ANG: variants seen among roughly 807,000 people sequenced by gnomAD.
ANG encodes the protein Homo sapiens epididymis luminal protein 168.
For missense variants in ANG, 178 were observed against 187.4 expected (o/e 0.95, Z 0.29); for synonymous variants, 74 against 73.8 (o/e 1.00, Z -0.02).
At chr14:20,687,270 A>G (rs572113743), upstream of ANG, among the ~76,000 whole-genome samples, 2 of 152,378 alleles carry the variant, frequency 1.3e-5, no homozygotes, top group Non-Finnish European at 2.9e-5. Context: ...GTTTAAAAGA[A>G]AAACATAAAA....
intron 1 of ANG, among the ~76,000 whole-genome samples, chr14:20,691,379 A>G (rs1333127872): frequency 2.0e-5 from 3 of 152,254 alleles, no homozygotes; most frequent in Non-Finnish European, 2.9e-5. Context: ...ATTACAAATC[A>G]ATAAAACTTT....
intron 1 of ANG, among the ~76,000 whole-genome samples, chr14:20,693,187 G>C (rs991955504): frequency 2.0e-5 from 3 of 152,216 alleles, no homozygotes; most frequent in African/African-American, 7.2e-5. Context: ...ACCTAGCACA[G>C]TCCCTGGTAC....
chr14:20,685,740 T>C (rs558802008), upstream of ANG, among the ~76,000 whole-genome samples: 1 of 152,198 alleles, frequency 6.6e-6, no homozygotes, highest in African/African-American at 2.4e-5. Context: ...AGTACTAGTA[T>C]GGAATATAAA....
chr14:20,693,380 G>A (rs2139022916), intron 1 of ANG, 167 bp from the exon 2 acceptor site: 2 of 831,746 alleles, frequency 2.4e-6, no homozygotes, highest in Non-Finnish European at 3.8e-6. Flanking sequence ...CGCAGGAAGG[G>A]ATTGACGAAG....
At chr14:20,693,272 A>G (rs929410365) in intron 1 of ANG, among the ~76,000 whole-genome samples, 27 of 152,366 alleles carry the variant, frequency 1.8e-4, no homozygotes, top group Non-Finnish European at 4.0e-4. Flanking sequence ...GGATTTTGTA[A>G]TGTTACGACT....
intron 1 of ANG, among the ~76,000 whole-genome samples, chr14:20,692,938 C>G (rs933360826): frequency 6.6e-6 from 1 of 152,144 alleles, no homozygotes; most frequent in African/African-American, 2.4e-5. Context: ...AGCTCCGCCT[C>G]CCGGGTTCAC....
intron 1 of ANG, among the ~76,000 whole-genome samples, chr14:20,693,126 C>T (rs1242797250): frequency 6.6e-6 from 1 of 152,222 alleles, no homozygotes; most frequent in Non-Finnish European, 1.5e-5. Context: ...GGATTACAGG[C>T]GTGAGCCACC....
At chr14:20,692,164 A>T (rs1440451643) in intron 1 of ANG, among the ~76,000 whole-genome samples, 1 of 152,258 alleles carries the variant, frequency 6.6e-6, no homozygotes, top group East Asian at 1.9e-4. Context: ...TAAGAATTGT[A>T]TTACACTTAA....
chr14:20,693,948 T>C lies in ANG; in HGVS notation c.384T>C (p.Val128=), dbSNP rs1416313322. ...YRATAGFRNV[V]VACENGLPVH... The stretch of plus-strand genomic sequence containing the variant: ...CCACAGCGGGGTTCAGAAACGTTGT[T>C]GTTGCTTGTGAAAATGGCTTACCTG... Residue 128 remains valine (V), a synonymous_variant, in exon 2 of 2, where the codon GTT becomes GTC. Transcript: ENST00000397990. 1 of 1,613,994 alleles carries C rather than the reference T, an allele frequency of 6.2e-7. No homozygotes were observed. The highest frequency in any genetic ancestry group is 8.5e-7 in the Non-Finnish European group (1 of 1,180,020).
At position 20,694,012 on chromosome 14, in the gene ANG, G is replaced by A. The variant is rs753565970; in HGVS notation, c.*4G>A. On this transcript the variant is annotated 3_prime_UTR_variant, in exon 2 of 2. Transcript: ENST00000397990. ...GTCAATTTTCCGTCGTCCGTAACCA[G>A]CGGGCCCCTGGTCAAGTGCTGGCTC... The A allele has an allele frequency of 1.6e-5, 26 of 1,614,004 alleles. No homozygotes were observed. The highest frequency in any genetic ancestry group is 2.1e-5 in the Non-Finnish European group (25 of 1,180,042).
Position 20,690,560 on chromosome 14 carries a change from T to C in ANG, c.-19+1686T>C, listed in dbSNP as rs1304543236. Among the ~76,000 whole-genome samples, 3 of 152,184 alleles carry C rather than the reference T, an allele frequency of 2.0e-5. No individual in the cohort carries two copies. The East Asian group carries it at 5.8e-4, about 29-fold the overall frequency. On this transcript the variant is annotated intron_variant, in intron 1 of 1. Coordinates refer to ENST00000397990, the MANE Select transcript of ANG (RefSeq NM_001097577.3). ...TTGGTGTACGCTTGCTGAGATTTGGTTCCTGGATGTCTTAGGGAATCAAGA... is the reference window on the plus strand; with the variant it reads ...TTGGTGTACGCTTGCTGAGATTTGGCTCCTGGATGTCTTAGGGAATCAAGA...
At chr14:20,689,416 GA>G (rs1370845864) in intron 1 of ANG, among the ~76,000 whole-genome samples, 1 of 152,158 alleles carries the variant, frequency 6.6e-6, no homozygotes, top group Non-Finnish European at 1.5e-5. Flanking sequence ...TACTTTGGGG[GA>G]TTTTGCCCTA....
In ANG at chr14:20,693,839, A is replaced by G. The variant is rs745769575; in HGVS notation, c.275A>G (p.Asn92Ser). Residue 92 changes from asparagine to serine, a missense_variant, in exon 2 of 2, where the codon AAC becomes AGC. By Grantham distance (46) the Asn-to-Ser change is conservative. Coordinates refer to ENST00000397990, the MANE Select transcript of ANG (RefSeq NM_001097577.3). ...AAGAATGGAAACCCTCACAGAGAAA[A>G]CCTAAGAATAAGCAAGTCTTCTTTC... ...ENKNGNPHRE[N>S]LRISKSSFQV... is the part of the protein sequence containing the mutation. 1.2e-6 allele frequency: 2 copies of G among 1,614,222 alleles called. No individual in the cohort carries two copies. Among genetic ancestry groups the G allele is most frequent in the Non-Finnish European group, 1.7e-6 (2 of 1,180,036 alleles).
intron 1 of ANG, among the ~76,000 whole-genome samples, chr14:20,692,152 C>A (rs1459662560): frequency 6.6e-6 from 1 of 152,130 alleles, no homozygotes; most frequent in African/African-American, 2.4e-5. Context: ...CATTTGGGGT[C>A]ATAAGAATTG....
Position 20,693,871 on chromosome 14 carries a change from A to G in ANG, c.307A>G (p.Thr103Ala). 6.2e-7 allele frequency: 1 copy of G among 1,614,182 alleles called. No individual in the cohort carries two copies. The highest frequency in any genetic ancestry group is 1.1e-5 in the South Asian group (1 of 91,080). ...AATAAGCAAGTCTTCTTTCCAGGTCACCACTTGCAAGCTACATGGAGGTTC... is the reference window on the plus strand; with the variant it reads ...AATAAGCAAGTCTTCTTTCCAGGTCGCCACTTGCAAGCTACATGGAGGTTC... ...LRISKSSFQV[T>A]TCKLHGGSPW... Residue 103 changes from threonine to alanine, a missense_variant, in exon 2 of 2, where the codon ACC becomes GCC. Physicochemically the swap from Thr to Ala is moderately conservative, Grantham distance 58. Transcript: ENST00000397990.
chr14:20,693,558 G>A lies in ANG; in HGVS notation c.-7G>A. 1 of 1,611,850 alleles carries A rather than the reference G, an allele frequency of 6.2e-7. No individual in the cohort carries two copies. Among genetic ancestry groups the A allele is most frequent in the Non-Finnish European group, 8.5e-7 (1 of 1,180,038 alleles). On this transcript the variant is annotated 5_prime_UTR_variant, in exon 2 of 2. Coordinates refer to ENST00000397990, the MANE Select transcript of ANG (RefSeq NM_001097577.3). Reference sequence around the variant, plus strand: ...TTTGCCCTCCGCAGGAGCCTGTGTTGGAAGAGATGGTGATGGGCCTGGGCG... The same window carrying A: ...TTTGCCCTCCGCAGGAGCCTGTGTTAGAAGAGATGGTGATGGGCCTGGGCG...
intron 1 of ANG, 32 bp from the exon 2 acceptor site, chr14:20,693,515 G>A (rs1441109521): frequency 1.9e-6 from 3 of 1,605,764 alleles, no homozygotes; most frequent in South Asian, 1.1e-5. Context: ...TGCTGTTCTT[G>A]GGTCTACCAC....
intron 1 of ANG, 71 bp from the exon 2 acceptor site, chr14:20,693,476 G>T: frequency 1.3e-6 from 2 of 1,587,050 alleles, no homozygotes; most frequent in Non-Finnish European, 1.7e-6. Flanking sequence ...AGAGAGCAAA[G>T]CTCCTGTCCT....
chr14:20,688,761 C>T, upstream of ANG: 2 of 985,302 alleles, frequency 2.0e-6, no homozygotes, highest in Non-Finnish European at 2.4e-6. Context: ...ATAATCAGAA[C>T]CTGGAGAGGC....
Sources: allele counts gnomAD v4.1 joint callset (sites outside exome capture counted in the v4.1 genomes callset), GRCh38; gene constraint gnomAD v4.1.1; transcripts MANE v1.5; gene names NCBI Gene and HGNC (gene_info 2026-07-23, HGNC 2026-07-21).